HDAC9: variants seen among roughly 807,000 people sequenced by gnomAD.
HDAC9 encodes histone deacetylase 9.
HDAC9 carries 41 observed loss-of-function variants against 139.4 expected under a neutral mutation model. The observed-to-expected ratio is 0.29, with a 90% CI of 0.23 to 0.38. HDAC9 has a LOEUF of 0.38. Ranked by LOEUF, HDAC9 falls within the 10% of genes least tolerant of loss-of-function variation. The pLI is 1.00. For missense variants in HDAC9, 1,147 were observed against 1,297.0 expected (o/e 0.88, Z 1.78); for synonymous variants, 517 against 476.2 (o/e 1.09, Z -1.12).
chr7:18,619,140 G>A (rs1304067866), intron 6 of HDAC9, among the ~76,000 whole-genome samples: 2 of 152,128 alleles, frequency 1.3e-5, no homozygotes, highest in Admixed American at 1.3e-4. Context: ...GCCTGTATGA[G>A]ATATGGATTT....
chr7:18,115,333 T>C (rs1477459343), intron 1 of HDAC9, among the ~76,000 whole-genome samples: 1 of 151,996 alleles, frequency 6.6e-6, no homozygotes, highest in African/African-American at 2.4e-5. Context: ...AATCTTGCAG[T>C]ATTCACATTT....
intron 1 of HDAC9, among the ~76,000 whole-genome samples, chr7:18,152,557 G>A (rs1011259772): frequency 4.3e-4 from 65 of 152,176 alleles, no homozygotes; most frequent in African/African-American, 1.5e-3. Flanking sequence ...TTCTGATTCA[G>A]AAGGTCTCAG....
chr7:18,547,439 G>C (rs1815319532), intron 2 of HDAC9, among the ~76,000 whole-genome samples: 2 of 152,146 alleles, frequency 1.3e-5, no homozygotes. Flanking sequence ...GTTTCACCAT[G>C]TTAGCCAGGA....
chr7:18,381,153 C>T lies in HDAC9; in HGVS notation c.-42+90638C>T, dbSNP rs1475609750. On this transcript the variant is annotated intron_variant, in intron 1 of 3. Coordinates refer to the HDAC9 transcript ENST00000413509. ...GGCAGCGGTTGCAATGAGCTGAGAT[C>T]ATGCCACTGCACTCCAGCCTGGGTG... Among the ~76,000 whole-genome samples, 8 of 118,070 alleles carry T rather than the reference C, an allele frequency of 6.8e-5. No individual in the cohort carries two copies. In the Admixed American group the frequency reaches 9.5e-4, roughly 14 times the overall value. 77.5% of individuals were successfully genotyped at this position (118,070 alleles called of 152,430 possible).
chr7:18,953,662 A>AGCAGCT (rs997557836), intron 23 of HDAC9, among the ~76,000 whole-genome samples: 27 of 152,218 alleles, frequency 1.8e-4, no homozygotes, highest in African/African-American at 6.3e-4. Flanking sequence ...TTTGAATAAA[A>AGCAGCT]GCAGCTGTGT....
At chr7:18,666,751 C>G in intron 12 of HDAC9, 1 of 1,246,866 alleles carries the variant, frequency 8.0e-7, no homozygotes, top group Non-Finnish European at 1.0e-6. Flanking sequence ...TACATAATAT[C>G]TGAGCAGTTA....
chr7:18,406,822 T>TC (rs1405249968), intron 1 of HDAC9, among the ~76,000 whole-genome samples: 19 of 152,132 alleles, frequency 1.2e-4, no homozygotes, highest in Admixed American at 3.9e-4. Flanking sequence ...TTGTTTTTTT[T>TC]CTCTCTTTTT....
intron 2 of HDAC9, among the ~76,000 whole-genome samples, chr7:18,222,181 GC>G (rs1792750817): frequency 6.6e-6 from 1 of 152,162 alleles, no homozygotes; most frequent in Non-Finnish European, 1.5e-5. Flanking sequence ...ATTATGTGCT[GC>G]TTAATCTGGT....
chr7:18,980,553 TAAAAC>T (rs1784837225), intron 25 of HDAC9, among the ~76,000 whole-genome samples: 1 of 152,194 alleles, frequency 6.6e-6, no homozygotes, highest in African/African-American at 2.4e-5. Flanking sequence ...CACAAGAACT[TAAAAC>T]AATACCTGGC....
At chr7:18,626,974 C>T (rs17432977) in intron 6 of HDAC9, among the ~76,000 whole-genome samples, 27,641 of 152,102 alleles carry the variant, frequency 0.18, 2,674 homozygotes, top group Non-Finnish European at 0.2. Context: ...TCTGGATCAG[C>T]CCCTCTTAGC....
rs191127861 is a variant in HDAC9, at chr7:18,510,284, A to G, written c.22+13960A>G. On this transcript the variant is annotated intron_variant, in intron 2 of 25. Transcript: ENST00000686413. Reference sequence around the variant, plus strand: ...ATTTTTCAATGAATAATGAATGCCAATAGAAATTTCCTGGGATATGTGTCT... The same window carrying G: ...ATTTTTCAATGAATAATGAATGCCAGTAGAAATTTCCTGGGATATGTGTCT... Among the ~76,000 whole-genome samples, 56 of 152,330 alleles carry G rather than the reference A, an allele frequency of 3.7e-4. No individual in the cohort carries two copies. In the East Asian group the frequency reaches 9.8e-3, roughly 27 times the overall value.
At chr7:18,325,052 A>T (rs1464602139) in intron 1 of HDAC9, among the ~76,000 whole-genome samples, 1 of 152,140 alleles carries the variant, frequency 6.6e-6, no homozygotes, top group Non-Finnish European at 1.5e-5. Flanking sequence ...ACATCTGTTT[A>T]TGCACATTGG....
At chr7:18,256,776 A>T (rs1795271881) in intron 2 of HDAC9, among the ~76,000 whole-genome samples, 1 of 152,180 alleles carries the variant, frequency 6.6e-6, no homozygotes, top group East Asian at 1.9e-4. Context: ...TTTGAACAGG[A>T]TTTTAAGTTT....
At chr7:18,499,527 A>C (rs922315672) in intron 2 of HDAC9, among the ~76,000 whole-genome samples, 3 of 152,102 alleles carry the variant, frequency 2.0e-5, no homozygotes, top group Non-Finnish European at 4.4e-5. Context: ...GGGCCAGGGT[A>C]AGTGATAACT....
intron 2 of HDAC9, among the ~76,000 whole-genome samples, chr7:18,229,644 G>A (rs771238742): frequency 2.6e-5 from 4 of 152,142 alleles, no homozygotes; most frequent in African/African-American, 7.2e-5. Flanking sequence ...GTGTCCATCC[G>A]TCAGGTAGGA....
At chr7:18,504,835 A>G (rs913011413) in intron 2 of HDAC9, among the ~76,000 whole-genome samples, 8 of 152,230 alleles carry the variant, frequency 5.3e-5, no homozygotes, top group African/African-American at 1.9e-4. Flanking sequence ...TGGTTACTGT[A>G]GGTAGGAAAT....
chr7:18,466,600 C>T lies in HDAC9; in HGVS notation c.-41-29662C>T, dbSNP rs79163476. The stretch of plus-strand genomic sequence containing the variant: ...ATCATTGTACATCTCTGACCGACTC[C>T]TCTGACTTCCTCTCCTACTTTTAAG... On this transcript the variant is annotated intron_variant, in intron 1 of 3. Transcript: ENST00000413509. Among the ~76,000 whole-genome samples, 63 of 152,350 alleles carry T rather than the reference C, an allele frequency of 4.1e-4. 1 individual carries two copies. The East Asian group carries it at 0.012, about 29-fold the overall frequency.
rs540870926 is a variant in HDAC9, at chr7:18,912,153, G to A, written c.2804-23656G>A. Among the ~76,000 whole-genome samples, 11 of 151,962 alleles carry A rather than the reference G, an allele frequency of 7.2e-5. No homozygotes were observed. The South Asian group carries it at 1.9e-3, about 26-fold the overall frequency. ...TTACATAGAATAATATTTGCTTTAC[G>A]TATCTGGGTGCTCCAGTGTTGGGTA... On this transcript the variant is annotated intron_variant, in intron 22 of 25. Coordinates refer to ENST00000686413, the MANE Select transcript of HDAC9 (RefSeq NM_178425.4).
chr7:18,364,221 G>A (rs1188570343), intron 1 of HDAC9, among the ~76,000 whole-genome samples: 2 of 152,062 alleles, frequency 1.3e-5, no homozygotes, highest in African/African-American at 2.4e-5. Flanking sequence ...AAACTGCCTG[G>A]GGCTGAATCC....
Sources: allele counts gnomAD v4.1 joint callset (sites outside exome capture counted in the v4.1 genomes callset), GRCh38; gene constraint gnomAD v4.1.1; transcripts MANE v1.5; gene names NCBI Gene and HGNC (gene_info 2026-07-23, HGNC 2026-07-21).